MYBPC1: variants seen among roughly 807,000 people sequenced by gnomAD.
MYBPC1 encodes myosin-binding protein C, slow-type.
In MYBPC1, 52 loss-of-function variants were observed where a neutral mutation model predicts 147.1. The ratio of observed to expected loss-of-function variants is 0.35; its 90% confidence interval spans 0.28 to 0.45. The LOEUF (loss-of-function observed/expected upper bound fraction) is 0.45. Among genes scored for constraint, MYBPC1 ranks in the 20% least tolerant of loss-of-function variants. The probability of loss-of-function intolerance (pLI) is 1.00; values close to 1 mark genes in which losing one functional copy is unlikely to be tolerated. For synonymous variants in MYBPC1, 477 were observed against 475.9 expected (o/e 1.00, Z -0.03); for missense variants, 1,228 against 1,440.3 (o/e 0.85, Z 2.39).
chr12:101,612,003 G>A (rs1340600503), intron 1 of MYBPC1, among the ~76,000 whole-genome samples: 1 of 151,782 alleles, frequency 6.6e-6, no homozygotes, highest in Non-Finnish European at 1.5e-5. Flanking sequence ...CTTGAACCCA[G>A]GAGGTGGACG....
intron 21 of MYBPC1, among the ~76,000 whole-genome samples, chr12:101,662,880 TA>T: frequency 6.6e-6 from 1 of 152,310 alleles, no homozygotes; most frequent in South Asian, 2.1e-4. Flanking sequence ...ATTAACCTGT[TA>T]ATATAACCCA....
chr12:101,623,292 T>C (rs1887856115), intron 3 of MYBPC1, among the ~76,000 whole-genome samples: 1 of 152,166 alleles, frequency 6.6e-6, no homozygotes, highest in Admixed American at 6.5e-5. Flanking sequence ...TGAGCCGAGA[T>C]TGTGCCACTG....
chr12:101,659,730 T>C lies in MYBPC1; in HGVS notation c.1826T>C (p.Leu609Pro). Residue 609 changes from leucine to proline, a missense_variant, in exon 19 of 32, where the codon CTG (leucine) becomes CCG (proline). Physicochemically the swap from Leu to Pro is moderately conservative, Grantham distance 98. Around this residue, in one of 2 missense-constraint regions of MYBPC1, gnomAD observed 1,077 missense variants for 1,314.2 expected, o/e 0.82. Transcript: ENST00000361466. Reference protein sequence around the residue: ...RTESYPDSSTLVIDIAERDDS... With the variant: ...RTESYPDSSTPVIDIAERDDS... The stretch of plus-strand genomic sequence containing the variant: ...GAATCTTACCCTGATAGCAGCACTC[T>C]GGTCATTGATATAGCTGAAAGAGAT... 1.2e-6 allele frequency: 2 copies of C among 1,614,142 alleles called. No individual in the cohort carries two copies. Among genetic ancestry groups the C allele is most frequent in the Non-Finnish European group, 1.7e-6 (2 of 1,179,990 alleles).
intron 23 of MYBPC1, chr12:101,670,000 G>A (rs1234597951): frequency 1.2e-5 from 5 of 407,418 alleles, no homozygotes; most frequent in Non-Finnish European, 2.3e-5. Flanking sequence ...AAGAGAAAAT[G>A]TATTTTTCTA....
the MYBPC1 span, among the ~76,000 whole-genome samples, chr12:101,691,679 G>C: frequency 1.4e-3 from 209 of 152,344 alleles, 1 homozygote; most frequent in African/African-American, 4.7e-3. Context: ...TTGTGCTATG[G>C]AAATGTAAGA....
chr12:101,598,362 A>G (rs1193349254), intron 1 of MYBPC1, among the ~76,000 whole-genome samples: 1 of 152,034 alleles, frequency 6.6e-6, no homozygotes, highest in Non-Finnish European at 1.5e-5. Flanking sequence ...TCCAGTCAAA[A>G]AGAAATTTTA....
chr12:101,666,283 C>A (rs1245409630), intron 22 of MYBPC1: 2 of 191,670 alleles, frequency 1.0e-5, no homozygotes, highest in Non-Finnish European at 2.2e-5. Context: ...GGGAGCCCCA[C>A]TGTGGGAGCA....
At chr12:101,643,493 T>C (rs925406886) in intron 11 of MYBPC1, among the ~76,000 whole-genome samples, 5 of 152,160 alleles carry the variant, frequency 3.3e-5, no homozygotes, top group African/African-American at 9.7e-5. Context: ...CTAAGGTGTG[T>C]GGTAGATGGC....
intron 18 of MYBPC1, among the ~76,000 whole-genome samples, chr12:101,654,500 C>T (rs1486565715): frequency 6.6e-6 from 1 of 152,062 alleles, no homozygotes; most frequent in Non-Finnish European, 1.5e-5. Flanking sequence ...TGGACAGAAC[C>T]CAGTGGACTC....
Position 101,606,408 on chromosome 12 carries a change from G to A in MYBPC1, c.26-8088G>A, listed in dbSNP as rs1882186876. Among the ~76,000 whole-genome samples the A allele has an allele frequency of 2.6e-5, 4 of 151,900 alleles. No individual in the cohort carries two copies. In the South Asian group the frequency reaches 8.3e-4, roughly 32 times the overall value. ...TTGACCTGGTAAACTCCCTACCTAG[G>A]CAGCTCCTGAAGATCCCAGACTGTA... On this transcript the variant is annotated intron_variant, in intron 1 of 31. Coordinates refer to ENST00000361466, the MANE Select transcript of MYBPC1 (RefSeq NM_002465.4).
intron 8 of MYBPC1, among the ~76,000 whole-genome samples, chr12:101,634,042 G>T (rs188254885): frequency 2.0e-5 from 3 of 152,060 alleles, no homozygotes; most frequent in East Asian, 2.0e-4. Context: ...GACTACAGGC[G>T]CCCGCCACCA....
intron 3 of MYBPC1, among the ~76,000 whole-genome samples, chr12:101,619,604 G>A (rs1341525117): frequency 6.6e-6 from 1 of 152,172 alleles, no homozygotes; most frequent in East Asian, 1.9e-4. Flanking sequence ...CTGGGTAGGA[G>A]GATGAACATC....
At chr12:101,670,750 C>T (rs1475728409) in intron 24 of MYBPC1, among the ~76,000 whole-genome samples, 2 of 152,106 alleles carry the variant, frequency 1.3e-5, no homozygotes, top group African/African-American at 2.4e-5. Context: ...GTTTGTAAAA[C>T]CCATCATTTT....
intron 3 of MYBPC1, among the ~76,000 whole-genome samples, chr12:101,622,045 A>G (rs956043671): frequency 9.2e-5 from 14 of 152,248 alleles, no homozygotes; most frequent in Non-Finnish European, 1.3e-4. Flanking sequence ...GGGGGAAGAT[A>G]GCCCTGCTAC....
At chr12:101,666,736 T>C (rs770729774) in intron 22 of MYBPC1, 3 of 1,612,836 alleles carry the variant, frequency 1.9e-6, no homozygotes, top group Non-Finnish European at 2.5e-6. Context: ...AATGACGGAT[T>C]CTCAAAGGTA....
Position 101,670,417 on chromosome 12 carries a change from T to A in MYBPC1, c.2613+8T>A. The A allele has an allele frequency of 6.2e-7, 1 of 1,608,666 alleles. No homozygotes were observed. Among genetic ancestry groups the A allele is most frequent in the Non-Finnish European group, 8.5e-7 (1 of 1,175,180 alleles). On this transcript the variant is annotated splice_region_variant and intron_variant, in intron 24 of 31. Transcript: ENST00000361466. ...CTGGTTATACCTTTCCAGGTAAGAG[T>A]TCAAGGGTCGCTCTTTTTCTCTTTA...
At chr12:101,684,946 A>G (rs1170922738) in intron 31 of MYBPC1, among the ~76,000 whole-genome samples, 1 of 152,170 alleles carries the variant, frequency 6.6e-6, no homozygotes, top group Admixed American at 6.5e-5. Context: ...CTTGAAGGGT[A>G]CTTTTATTTT....
chr12:101,691,752 C>A, the MYBPC1 span, among the ~76,000 whole-genome samples: 1 of 152,230 alleles, frequency 6.6e-6, no homozygotes, highest in South Asian at 2.1e-4. Context: ...ATTTTTGCAA[C>A]TTCCTGTGTG....
chr12:101,670,245 A>G (rs1409715745), intron 23 of MYBPC1, 76 bp from the exon 24 acceptor site: 1 of 1,128,904 alleles, frequency 8.9e-7, no homozygotes, highest in African/African-American at 1.5e-5. Context: ...GGTGAGCATC[A>G]TGCCATTTTG....
Sources: gnomAD v4.1 joint callset for allele counts (sites outside exome capture counted in the v4.1 genomes callset) on GRCh38, gnomAD v4.1.1 for gene constraint, gnomAD v4.1.1 regional missense constraint, MANE v1.5 for transcripts, NCBI Gene and HGNC (gene_info 2026-07-23, HGNC 2026-07-21) for gene names.